Variants in PTPRD observed in about 807,000 individuals in gnomAD.
PTPRD encodes protein tyrosine phosphatase receptor type D.
PTPRD carries 34 observed loss-of-function variants against 214.5 expected under a neutral mutation model. The ratio of observed to expected loss-of-function variants is 0.16; its 90% CI spans 0.12 to 0.21. The LOEUF (loss-of-function observed/expected upper bound fraction) is 0.21. PTPRD is among the 10% of genes least tolerant of loss of function. The pLI, the probability that PTPRD is intolerant of heterozygous loss-of-function variation, is 1.00. For missense variants in PTPRD, 2,545 were observed against 2,398.7 expected (o/e 1.06, Z -1.27); for synonymous variants, 1,128 against 845.7 (o/e 1.33, Z -5.79).
At chr9:10,571,701 A>G (rs564684619) in intron 2 of PTPRD, among the ~76,000 whole-genome samples, 2 of 152,272 alleles carry the variant, frequency 1.3e-5, no homozygotes, top group African/African-American at 4.8e-5. Flanking sequence ...TTCATGGAAG[A>G]CAGTTTTTCC....
chr9:10,476,889 A>C (rs1396320044), intron 2 of PTPRD, among the ~76,000 whole-genome samples: 1 of 152,142 alleles, frequency 6.6e-6, no homozygotes, highest in Non-Finnish European at 1.5e-5. Context: ...ATAGGTAAAG[A>C]ATTCCTTATT....
At chr9:8,536,746 T>C (rs2077048668) in intron 14 of PTPRD, among the ~76,000 whole-genome samples, 1 of 151,998 alleles carries the variant, frequency 6.6e-6, no homozygotes, top group African/African-American at 2.4e-5. Context: ...GAAAAGCAGA[T>C]ATAAGTAGAC....
chr9:8,762,553 G>C (rs959941699), intron 11 of PTPRD, among the ~76,000 whole-genome samples: 1 of 152,106 alleles, frequency 6.6e-6, no homozygotes, highest in Non-Finnish European at 1.5e-5. Flanking sequence ...GCACGGAGGA[G>C]AGAAAGCAAT....
chr9:8,340,603 C>G (rs1423876262), intron 41 of PTPRD, 134 bp from the exon 42 acceptor site: 1 of 876,538 alleles, frequency 1.1e-6, no homozygotes, highest in East Asian at 2.7e-5. Context: ...TAAATTCCTG[C>G]TAAGATTAAA....
At chr9:9,358,738 G>T (rs192626123) in intron 9 of PTPRD, among the ~76,000 whole-genome samples, 2 of 151,388 alleles carry the variant, frequency 1.3e-5, no homozygotes, top group African/African-American at 4.8e-5. Context: ...AAGGGCCTGC[G>T]CCTGAATCAG....
At chr9:8,681,381 T>C (rs759952510) in intron 12 of PTPRD, among the ~76,000 whole-genome samples, 1 of 152,128 alleles carries the variant, frequency 6.6e-6, no homozygotes, top group Non-Finnish European at 1.5e-5. Flanking sequence ...AGAGAGGGCA[T>C]AGATGCAGTG....
chr9:10,271,534 C>CTTCTT (rs2094421084), intron 3 of PTPRD, among the ~76,000 whole-genome samples: 1 of 86,572 alleles, frequency 1.2e-5, no homozygotes. Flanking sequence ...TCAATTGTTT[C>CTTCTT]TTTTCTTTTC....
At chr9:8,436,148 A>C (rs965226086) in intron 35 of PTPRD, among the ~76,000 whole-genome samples, 1 of 152,212 alleles carries the variant, frequency 6.6e-6, no homozygotes, top group African/African-American at 2.4e-5. Flanking sequence ...AATCCAAAGA[A>C]GTCAAACTCA....
At chr9:8,770,403 G>A (rs555119349) in intron 11 of PTPRD, among the ~76,000 whole-genome samples, 56 of 150,448 alleles carry the variant, frequency 3.7e-4, no homozygotes, top group Non-Finnish European at 7.1e-4. Flanking sequence ...GAAAATACAA[G>A]AAAATTTATT....
At chr9:8,327,569 G>T (rs1000721127) in intron 44 of PTPRD, among the ~76,000 whole-genome samples, 1 of 152,144 alleles carries the variant, frequency 6.6e-6, no homozygotes, top group Non-Finnish European at 1.5e-5. Context: ...GTCCAGAGCT[G>T]TGTTCAAGTC....
chr9:8,946,651 A>G (rs1361537016), intron 11 of PTPRD, among the ~76,000 whole-genome samples: 2 of 152,144 alleles, frequency 1.3e-5, no homozygotes, highest in Non-Finnish European at 1.5e-5. Context: ...TGTAAGGGCC[A>G]AGGACCAGGG....
intron 4 of PTPRD, among the ~76,000 whole-genome samples, chr9:10,031,354 G>T (rs2097062462): frequency 6.6e-6 from 1 of 151,980 alleles, no homozygotes; most frequent in African/African-American, 2.4e-5. Flanking sequence ...TGAGTCAGTG[G>T]GCTGGGGAAG....
At chr9:10,155,773 C>G (rs1260339229) in intron 3 of PTPRD, among the ~76,000 whole-genome samples, 1 of 152,098 alleles carries the variant, frequency 6.6e-6, no homozygotes, top group Non-Finnish European at 1.5e-5. Context: ...TTGAACCAAT[C>G]TTGCATCCCA....
chr9:10,548,277 A>G (rs370559393), intron 2 of PTPRD, among the ~76,000 whole-genome samples: 2 of 152,152 alleles, frequency 1.3e-5, no homozygotes, highest in Non-Finnish European at 1.5e-5. Context: ...CTCTCTATAT[A>G]TAAGTTGTTG....
At chr9:8,628,097 G>C (rs1183075912) in intron 14 of PTPRD, among the ~76,000 whole-genome samples, 2 of 151,774 alleles carry the variant, frequency 1.3e-5, no homozygotes, top group Non-Finnish European at 2.9e-5. Flanking sequence ...CCTTTTGTGT[G>C]ACAGTCAAGC....
chr9:8,317,849 A>G lies in PTPRD; in HGVS notation c.*25T>C. 3 of 1,609,982 alleles carry G rather than the reference A, an allele frequency of 1.9e-6. No individual in the cohort carries two copies. The highest frequency in any genetic ancestry group is 2.5e-6 in the Non-Finnish European group (3 of 1,176,872). On this transcript the variant is annotated 3_prime_UTR_variant, in exon 46 of 46. Coordinates refer to ENST00000381196, the MANE Select transcript of PTPRD (RefSeq NM_002839.4). ...CATGGATATTGAAGGGCCTGTAGTAAAAATCCAGAATGGGTCAGGGGTTTC... is the reference window on the plus strand; with the variant it reads ...CATGGATATTGAAGGGCCTGTAGTAGAAATCCAGAATGGGTCAGGGGTTTC...
intron 3 of PTPRD, among the ~76,000 whole-genome samples, chr9:10,330,859 A>C (rs1241912964): frequency 6.6e-6 from 1 of 151,792 alleles, no homozygotes; most frequent in Non-Finnish European, 1.5e-5. Context: ...AATTTGCATC[A>C]AGTGCATGTG....
intron 27 of PTPRD, among the ~76,000 whole-genome samples, chr9:8,488,797 CTGA>C (rs1016304295): frequency 6.6e-6 from 1 of 152,138 alleles, no homozygotes; most frequent in African/African-American, 2.4e-5. Context: ...TGAGTCTCTG[CTGA>C]GAAAAATCCA....
At chr9:8,488,480 G>A (rs1428690968) in intron 27 of PTPRD, among the ~76,000 whole-genome samples, 2 of 152,068 alleles carry the variant, frequency 1.3e-5, no homozygotes, top group African/African-American at 4.8e-5. Context: ...GTGTTGTGTT[G>A]TATATATAAA....
Sources: allele counts gnomAD v4.1 joint callset (sites outside exome capture counted in the v4.1 genomes callset), GRCh38; gene constraint gnomAD v4.1.1; transcripts MANE v1.5; gene names NCBI Gene and HGNC (gene_info 2026-07-23, HGNC 2026-07-21).